DPP10: variants seen among roughly 807,000 people sequenced by gnomAD.
The protein encoded by DPP10 is inactive dipeptidyl peptidase 10.
A neutral mutation model predicts 120.9 loss-of-function variants in DPP10; 33 were observed. The ratio of observed to expected loss-of-function variants is 0.27; its 90% CI spans 0.21 to 0.37. The LOEUF is 0.37. Ranked by LOEUF, DPP10 falls within the 10% of genes least tolerant of loss-of-function variation. DPP10 has a pLI of 1.00. For missense variants in DPP10, 816 were observed against 942.8 expected (o/e 0.87, Z 1.76); for synonymous variants, 337 against 326.1 (o/e 1.03, Z -0.36).
chr2:115,132,527 T>C (rs4491738), intron 1 of DPP10, among the ~76,000 whole-genome samples: 17,459 of 152,168 alleles, frequency 0.11, 1,354 homozygotes, highest in East Asian at 0.3. Context: ...TCATGTGATG[T>C]TATACTAGAA....
intron 1 of DPP10, among the ~76,000 whole-genome samples, chr2:115,087,622 C>T (rs185198470): frequency 8.9e-5 from 12 of 134,932 alleles, no homozygotes; most frequent in Admixed American, 3.2e-4. Flanking sequence ...GGCCCAATCT[C>T]GGCTCACCGC....
intron 1 of DPP10, among the ~76,000 whole-genome samples, chr2:115,232,849 G>A (rs565620194): frequency 4.6e-4 from 70 of 152,146 alleles, no homozygotes; most frequent in Non-Finnish European, 9.4e-4. Flanking sequence ...GGTGCTAAGT[G>A]TTCTGTGTAT....
intron 21 of DPP10, among the ~76,000 whole-genome samples, chr2:115,831,770 T>G (rs1688952050): frequency 6.6e-6 from 1 of 152,234 alleles, no homozygotes; most frequent in Non-Finnish European, 1.5e-5. Flanking sequence ...ATTCCTATAT[T>G]TTAGGCTTAC....
intron 19 of DPP10, among the ~76,000 whole-genome samples, chr2:115,794,694 C>A (rs747062803): frequency 2.0e-5 from 3 of 152,008 alleles, no homozygotes; most frequent in Non-Finnish European, 4.4e-5. Flanking sequence ...TCCAATTCTC[C>A]CTTCAAGTGC....
At chr2:114,765,795 A>T (rs987902242) in intron 1 of DPP10, among the ~76,000 whole-genome samples, 6 of 152,184 alleles carry the variant, frequency 3.9e-5, no homozygotes, top group African/African-American at 1.4e-4. Context: ...AAATATTGGA[A>T]ATGAAACTGA....
intron 1 of DPP10, among the ~76,000 whole-genome samples, chr2:114,597,843 C>G (rs532352270): frequency 1.6e-4 from 25 of 152,038 alleles, no homozygotes; most frequent in African/African-American, 5.8e-4. Context: ...CTACCAGTGT[C>G]ACAGAAAACT....
chr2:114,940,963 A>T (rs918654414), intron 1 of DPP10, among the ~76,000 whole-genome samples: 1 of 152,120 alleles, frequency 6.6e-6, no homozygotes, highest in African/African-American at 2.4e-5. Flanking sequence ...CATTTCTTGT[A>T]TTTTACAATG....
chr2:115,425,743 T>A (rs2104724576), intron 3 of DPP10, among the ~76,000 whole-genome samples: 1 of 152,264 alleles, frequency 6.6e-6, no homozygotes, highest in Middle Eastern at 3.4e-3. Context: ...TACCTGAGAC[T>A]GGGAAATTTA....
intron 2 of DPP10, among the ~76,000 whole-genome samples, chr2:115,333,430 G>T (rs1205985145): frequency 2.0e-5 from 3 of 152,024 alleles, no homozygotes; most frequent in East Asian, 1.9e-4. Flanking sequence ...TACATTTAAG[G>T]TTAATATTGT....
At chr2:115,137,635 G>C (rs2050716136) in intron 1 of DPP10, among the ~76,000 whole-genome samples, 1 of 152,172 alleles carries the variant, frequency 6.6e-6, no homozygotes, top group Non-Finnish European at 1.5e-5. Flanking sequence ...GATTAATTAT[G>C]GTTTGGAGAG....
chr2:114,968,987 GT>G (rs1699220500), intron 1 of DPP10, among the ~76,000 whole-genome samples: 1 of 152,136 alleles, frequency 6.6e-6, no homozygotes, highest in South Asian at 2.1e-4. Flanking sequence ...AACCAATTCC[GT>G]TCAGATTTGT....
intron 1 of DPP10, among the ~76,000 whole-genome samples, chr2:114,821,930 C>T (rs1047112272): frequency 1.1e-4 from 16 of 152,156 alleles, no homozygotes; most frequent in African/African-American, 3.9e-4. Context: ...CTTTCATGGG[C>T]TGGAGTTGAG....
intron 5 of DPP10, among the ~76,000 whole-genome samples, chr2:115,606,256 G>T (rs1261648031): frequency 6.6e-6 from 1 of 152,050 alleles, no homozygotes; most frequent in Non-Finnish European, 1.5e-5. Context: ...TTAAAATCCT[G>T]CAGGGCAAAC....
At chr2:115,545,370 A>G (rs2079434824) in intron 5 of DPP10, among the ~76,000 whole-genome samples, 2 of 152,182 alleles carry the variant, frequency 1.3e-5, no homozygotes, top group South Asian at 4.1e-4. Context: ...AAGAGTTCAC[A>G]GTGTAGTTGG....
At chr2:115,440,645 G>A (rs377406381) in intron 3 of DPP10, among the ~76,000 whole-genome samples, 344 of 138,532 alleles carry the variant, frequency 2.5e-3, no homozygotes, top group African/African-American at 6.8e-3. Context: ...AGGGGAGGGG[G>A]ACTCAAATGC....
At chr2:115,706,159 T>C (rs1316944586) in intron 7 of DPP10, among the ~76,000 whole-genome samples, 1 of 151,944 alleles carries the variant, frequency 6.6e-6, no homozygotes, top group Non-Finnish European at 1.5e-5. Context: ...TGCAGGTATG[T>C]GGGACAAATA....
intron 5 of DPP10, among the ~76,000 whole-genome samples, chr2:115,687,547 T>A (rs141314423): frequency 1.4e-4 from 21 of 151,598 alleles, no homozygotes; most frequent in African/African-American, 4.6e-4. Context: ...GGCCCAAGCC[T>A]ATATGTTACT....
intron 7 of DPP10, among the ~76,000 whole-genome samples, chr2:115,717,543 C>A (rs114034765): frequency 0.028 from 4,315 of 152,102 alleles, 136 homozygotes; most frequent in South Asian, 0.088. Flanking sequence ...ATAATTTTAA[C>A]CACTTCTTAG....
chr2:114,555,465 T>C (rs1688212509), intron 1 of DPP10, among the ~76,000 whole-genome samples: 1 of 152,124 alleles, frequency 6.6e-6, no homozygotes, highest in Non-Finnish European at 1.5e-5. Flanking sequence ...AAGAATGTAA[T>C]GTGGATAAGA....
Sources: gnomAD v4.1 joint callset for allele counts (sites outside exome capture counted in the v4.1 genomes callset) on GRCh38, gnomAD v4.1.1 for gene constraint, MANE v1.5 for transcripts, NCBI Gene and HGNC (gene_info 2026-07-23, HGNC 2026-07-21) for gene names.